TRDN: variants seen among roughly 807,000 people sequenced by gnomAD.
TRDN encodes triadin.
A neutral mutation model predicts 149.7 loss-of-function variants in TRDN; 161 were observed. The ratio of observed to expected loss-of-function variants is 1.08; its 90% CI spans 0.95 to 1.23. TRDN has a LOEUF of 1.23. TRDN is among the 50% of genes most tolerant of loss of function. The probability of loss-of-function intolerance (pLI) is 0.00; values close to 1 mark genes in which losing one functional copy is unlikely to be tolerated. For missense variants in TRDN, 896 were observed against 823.5 expected (o/e 1.09, Z -1.08); for synonymous variants, 294 against 250.5 (o/e 1.17, Z -1.64).
intron 9 of TRDN, among the ~76,000 whole-genome samples, chr6:123,475,843 C>G (rs1410667790): frequency 6.6e-6 from 1 of 152,060 alleles, no homozygotes; most frequent in Non-Finnish European, 1.5e-5. Flanking sequence ...AAAAAGCCTT[C>G]AACGAAATTC....
chr6:123,631,341 C>T (rs1466065160), intron 1 of TRDN, among the ~76,000 whole-genome samples: 3 of 151,924 alleles, frequency 2.0e-5, no homozygotes, highest in Non-Finnish European at 4.4e-5. Context: ...ATCATGTTGA[C>T]TTCTTAGGCT....
At position 123,496,349 on chromosome 6, in the gene TRDN, C is replaced by T. The variant is rs866762821; in HGVS notation, c.853+844G>A. ...AATGAGATGTCTCTTTGATGACATA[C>T]ACATAAATTATAATTATATATTTTT... On this transcript the variant is annotated intron_variant, in intron 9 of 40. Coordinates refer to ENST00000334268, the MANE Select transcript of TRDN (RefSeq NM_006073.4). Among the ~76,000 whole-genome samples the T allele has an allele frequency of 5.3e-5, 8 of 151,490 alleles. No homozygotes were observed. The Middle Eastern group carries it at 0.014, about 263-fold the overall frequency.
At chr6:123,366,788 G>A (rs1781119218) in intron 19 of TRDN, among the ~76,000 whole-genome samples, 1 of 152,148 alleles carries the variant, frequency 6.6e-6, no homozygotes, top group Non-Finnish European at 1.5e-5. Context: ...AAAGTGCTGG[G>A]ATTACAGGCA....
At chr6:123,571,177 G>A (rs767074534) in intron 1 of TRDN, 45 bp from the exon 2 acceptor site, 2 of 1,592,314 alleles carry the variant, frequency 1.3e-6, no homozygotes, top group Non-Finnish European at 1.7e-6. Flanking sequence ...GAGATTCATG[G>A]TAAATATTGA....
At chr6:123,631,250 T>C (rs887976630) in intron 1 of TRDN, among the ~76,000 whole-genome samples, 1 of 152,070 alleles carries the variant, frequency 6.6e-6, no homozygotes, top group African/African-American at 2.4e-5. Flanking sequence ...GAGATAGTCA[T>C]ACAAAAGCTT....
intron 5 of TRDN, among the ~76,000 whole-genome samples, chr6:123,528,520 T>A (rs2114326361): frequency 6.6e-6 from 1 of 152,096 alleles, no homozygotes; most frequent in African/African-American, 2.4e-5. Flanking sequence ...TCATTTATAA[T>A]CATCACAGAC....
At chr6:123,280,523 T>A (rs149398576) in intron 24 of TRDN, among the ~76,000 whole-genome samples, 1 of 152,124 alleles carries the variant, frequency 6.6e-6, no homozygotes. Context: ...TTGGAAAGAA[T>A]TGACACCTTC....
intron 2 of TRDN, among the ~76,000 whole-genome samples, chr6:123,565,529 CT>C (rs575477359): frequency 4.5e-4 from 68 of 152,302 alleles, no homozygotes; most frequent in Admixed American, 2.7e-3. Context: ...AAGCACTAAG[CT>C]GGAACTGTCT....
In TRDN at chr6:123,331,943, T is replaced by A; in HGVS notation, c.1421-14A>T. 6.5e-7 allele frequency: 1 copy of A among 1,530,538 alleles called. No individual in the cohort carries two copies. Among genetic ancestry groups the A allele is most frequent in the South Asian group, 1.3e-5 (1 of 78,412 alleles). 94.8% of individuals were successfully genotyped at this position (1,530,538 alleles called of 1,614,324 possible). ...CTTTAATAGGTTCTGAAAAGAAACA[T>A]CGGACATTTATTTGAAGCCAAGACA... On this transcript the variant is annotated splice_polypyrimidine_tract_variant and intron_variant, in intron 22 of 40. Transcript: ENST00000334268.
intron 38 of TRDN, among the ~76,000 whole-genome samples, chr6:123,231,493 A>G (rs550056926): frequency 1.3e-5 from 2 of 152,164 alleles, no homozygotes; most frequent in South Asian, 2.1e-4. Context: ...TTAGGAATAT[A>G]GAATGTTCAA....
At chr6:123,449,055 A>T (rs1410125158) in intron 10 of TRDN, among the ~76,000 whole-genome samples, 1 of 152,162 alleles carries the variant, frequency 6.6e-6, no homozygotes, top group East Asian at 1.9e-4. Flanking sequence ...CCTAGGGGAC[A>T]AAAGAATCTG....
At chr6:123,366,246 A>T (rs903937963) in intron 19 of TRDN, 64 bp from the exon 20 acceptor site, 2 of 1,425,466 alleles carry the variant, frequency 1.4e-6, no homozygotes, top group African/African-American at 2.8e-5. Context: ...CACATCTTAT[A>T]CTATTGAGAA....
intron 8 of TRDN, chr6:123,501,989 C>A (rs1778721219): frequency 6.1e-6 from 6 of 984,966 alleles, no homozygotes; most frequent in Non-Finnish European, 7.2e-6. Context: ...AAATTAACAT[C>A]AAAAAATACA....
intron 1 of TRDN, among the ~76,000 whole-genome samples, chr6:123,612,653 T>C (rs1784877387): frequency 6.6e-6 from 1 of 152,104 alleles, no homozygotes; most frequent in South Asian, 2.1e-4. Flanking sequence ...TCCTTCCACG[T>C]CAGGCTCCCA....
intron 31 of TRDN, among the ~76,000 whole-genome samples, chr6:123,269,536 A>G (rs1346319246): frequency 6.6e-6 from 1 of 151,912 alleles, no homozygotes; most frequent in Non-Finnish European, 1.5e-5. Context: ...CTCTTTTAAT[A>G]TTAACCACAG....
At chr6:123,262,867 G>A (rs1409338924) in intron 33 of TRDN, among the ~76,000 whole-genome samples, 1 of 152,026 alleles carries the variant, frequency 6.6e-6, no homozygotes, top group African/African-American at 2.4e-5. Context: ...TAATGAATGT[G>A]TGTATTGAGA....
intron 2 of TRDN, among the ~76,000 whole-genome samples, chr6:123,565,792 G>A (rs1346957944): frequency 1.3e-5 from 2 of 152,212 alleles, no homozygotes; most frequent in Middle Eastern, 3.2e-3. Context: ...TCCTGGCCAG[G>A]TGCGCGTGCA....
intron 4 of TRDN, among the ~76,000 whole-genome samples, chr6:123,532,658 T>A (rs1780305745): frequency 6.6e-6 from 1 of 151,946 alleles, no homozygotes; most frequent in Admixed American, 6.6e-5. Flanking sequence ...TTTTTAAAAG[T>A]ATAAAAGTAT....
At chr6:123,516,521 A>G (rs1455547427) in intron 5 of TRDN, among the ~76,000 whole-genome samples, 1 of 152,136 alleles carries the variant, frequency 6.6e-6, no homozygotes. Flanking sequence ...ATTATGCCAT[A>G]TGCCAAAGGA....
Sources: allele counts gnomAD v4.1 joint callset (sites outside exome capture counted in the v4.1 genomes callset), GRCh38; gene constraint gnomAD v4.1.1; transcripts MANE v1.5; gene names NCBI Gene and HGNC (gene_info 2026-07-23, HGNC 2026-07-21).